Variants in DNAH10 observed in about 807,000 individuals in gnomAD.
The protein encoded by DNAH10 is axonemal beta dynein heavy chain 10.
Under a neutral mutation model 506.6 loss-of-function variants are expected in DNAH10, and 348 were observed. The ratio of observed to expected loss-of-function variants is 0.69; its 90% CI spans 0.63 to 0.75. The LOEUF (loss-of-function observed/expected upper bound fraction) is 0.75, where lower values mean the gene tolerates loss of function less well. Ranked by LOEUF, DNAH10 falls within the 30% of genes least tolerant of loss-of-function variation. DNAH10 has a pLI of 0.00. For missense variants in DNAH10, 5,179 were observed against 5,787.1 expected, an observed-to-expected ratio of 0.89 and a Z score of 3.41; for synonymous variants, 2,059 against 2,198.6, an observed-to-expected ratio of 0.94 and a Z score of 1.78.
At position 123,841,434 on chromosome 12, in the gene DNAH10, G is replaced by C; in HGVS notation, c.5249G>C (p.Arg1750Pro). The part of the protein sequence containing the change: ...GEVMEFRKIL[R>P]AEGRVEDWMT... ...GTCATGGAGTTTCGGAAGATCTTGC[G>C]GGCTGAAGGGCGCGTGGAGGACTGG... Residue 1750 changes from arginine (R) to proline (P), a missense_variant, in exon 30 of 79, where the codon CGG becomes CCG. Arg to Pro is a moderately radical substitution (Grantham distance 103). Around this residue, in one of 3 missense-constraint regions of DNAH10, gnomAD observed 4,844 missense variants for 5,430.5 expected, o/e 0.89. Transcript: ENST00000673944. 6.2e-7 allele frequency: 1 copy of C among 1,613,934 alleles called. No individual in the cohort carries two copies.
At chr12:123,790,475 T>C (rs1252441216) in intron 11 of DNAH10, among the ~76,000 whole-genome samples, 1 of 152,068 alleles carries the variant, frequency 6.6e-6, no homozygotes, top group Admixed American at 6.6e-5. Flanking sequence ...TTTTTGAGAA[T>C]TGCGTTTTGT....
Position 123,909,223 on chromosome 12 carries a change from C to G in DNAH10, c.9816-38C>G. 6.2e-7 allele frequency: 1 copy of G among 1,600,716 alleles called. No individual in the cohort carries two copies. The highest frequency in any genetic ancestry group is 8.5e-7 in the Non-Finnish European group (1 of 1,174,348). ...CTTTCAGGCCAGATCCTGGCCACAT[C>G]CCGGGGTTGTGACCCACGTGCCTTG... On this transcript the variant is annotated intron_variant, in intron 57 of 78. Coordinates refer to ENST00000673944, the MANE Select transcript of DNAH10 (RefSeq NM_001372106.1). This position sits in a 1 kb window ranked among gnomAD's most constrained non-coding sequence, Gnocchi z 5.4.
At chr12:123,868,215 A>G (rs576156050) in intron 43 of DNAH10, 96 bp downstream of exon 43, 938 of 1,110,810 alleles carry the variant, frequency 8.4e-4, no homozygotes, top group Admixed American at 1.9e-3. Flanking sequence ...TGTCTGTATG[A>G]GTTTTCCAGA....
chr12:123,920,068 AC>A (rs1226503114), intron 65 of DNAH10, among the ~76,000 whole-genome samples: 1 of 151,894 alleles, frequency 6.6e-6, no homozygotes, highest in Non-Finnish European at 1.5e-5. Context: ...GTATATTTAA[AC>A]CCCTAAATCA....
Position 123,913,440 on chromosome 12 carries a change from A to G in DNAH10, c.10352+125A>G, listed in dbSNP as rs565197337. 867 of 1,018,984 alleles carry G rather than the reference A, an allele frequency of 8.5e-4. 1 individual carries two copies. The highest frequency in any genetic ancestry group is 1.2e-3 in the Non-Finnish European group (838 of 718,436). The allele number at this position is 1,018,984 out of a possible 1,614,324, so 63.1% of individuals were successfully genotyped here. A position where few individuals can be genotyped will look rare whatever the true frequency, so the allele number is the denominator to read the frequency against. On this transcript the variant is annotated intron_variant, in intron 60 of 78. Transcript: ENST00000673944. This position sits in a 1 kb window ranked among gnomAD's most constrained non-coding sequence, Gnocchi z 5.1. ...TGTGAAAACCATGTGACCAGGTCTTATGTTCCTATTATCATGTTTATGGCA... is the reference window on the plus strand; with the variant it reads ...TGTGAAAACCATGTGACCAGGTCTTGTGTTCCTATTATCATGTTTATGGCA...
chr12:123,859,475 G>A (rs1951532837), intron 38 of DNAH10, among the ~76,000 whole-genome samples: 1 of 152,190 alleles, frequency 6.6e-6, no homozygotes, highest in South Asian at 2.1e-4. Flanking sequence ...CAACCCGCTT[G>A]TGCATCAGAT....
chr12:123,927,003 C>G, intron 69 of DNAH10, 183 bp downstream of exon 69: 1 of 670,960 alleles, frequency 1.5e-6, no homozygotes, highest in Non-Finnish European at 2.5e-6. Flanking sequence ...TTCACAACCT[C>G]ATGTTGTGAT....
chr12:123,793,980 T>G lies in DNAH10; in HGVS notation c.1854T>G (p.Ser618=), dbSNP rs1236905773. The G allele has an allele frequency of 7.8e-7, 1 of 1,275,502 alleles. No individual in the cohort carries two copies. Among genetic ancestry groups the G allele is most frequent in the Non-Finnish European group, 1.0e-6 (1 of 979,930 alleles). The allele number at this position is 1,275,502 out of a possible 1,614,324, so 79.0% of individuals were successfully genotyped here. A position where few individuals can be genotyped will look rare whatever the true frequency, so the allele number is the denominator to read the frequency against. ...EKEAKHFIDE[S]FKTLRSAEAA... ...AAGCAAAACATTTTATTGATGAATC[T>G]TTTAAGACGCTTCGATCTGCTGAAG... Residue 618 remains serine, a synonymous_variant, in exon 12 of 79, where the codon TCT becomes TCG. Coordinates refer to ENST00000673944, the MANE Select transcript of DNAH10 (RefSeq NM_001372106.1).
At chr12:123,844,337 C>T (rs185956454) in intron 30 of DNAH10, among the ~76,000 whole-genome samples, 1 of 152,278 alleles carries the variant, frequency 6.6e-6, no homozygotes, top group African/African-American at 2.4e-5. Context: ...CAGAGCCAAA[C>T]CATATCAGGC....
Position 123,910,571 on chromosome 12 carries a change from A to G in DNAH10, c.10033A>G (p.Met3345Val). The G allele has an allele frequency of 6.2e-7, 1 of 1,613,716 alleles. No individual in the cohort carries two copies. Among genetic ancestry groups the G allele is most frequent in the South Asian group, 1.1e-5 (1 of 91,076 alleles). The change falls in exon 59 of 79, where the codon ATG becomes GTG. Residue 3345 changes from methionine (M) to valine (V), a missense_variant. Met to Val is a conservative substitution (Grantham distance 21). This residue lies in a region of DNAH10 where 4,844 missense variants were observed against 5,430.5 expected (regional missense o/e 0.89). Coordinates refer to ENST00000673944, the MANE Select transcript of DNAH10 (RefSeq NM_001372106.1). ...GACTCTTAATACCACAACTGAAGAA[A>G]TGGAAGCTGTCAGCAAAGCCGGGCT... ...LKTLNTTTEE[M>V]EAVSKAGLGM...
intron 25 of DNAH10, among the ~76,000 whole-genome samples, chr12:123,829,935 G>C (rs1960364161): frequency 6.6e-6 from 1 of 152,198 alleles, no homozygotes. Context: ...TGTGTGCACA[G>C]GAGTCTGCCC....
rs566616983 is a variant in DNAH10 at position 123,874,557 on chromosome 12, GTCCA to G, written c.7939-667_7939-664del. 8.8e-4 allele frequency among the ~76,000 whole-genome samples: 127 copies of G among 143,894 alleles called. 1 individual carries two copies. Among genetic ancestry groups the G allele is most frequent in the African/African-American group, 3.2e-3 (122 of 38,282 alleles). The allele number at this position is 143,894 out of a possible 152,430, so 94.4% of individuals were successfully genotyped here. On this transcript the variant is annotated intron_variant, in intron 46 of 78. Coordinates refer to ENST00000673944, the MANE Select transcript of DNAH10 (RefSeq NM_001372106.1). Reference sequence around the variant, plus strand: ...CATCTACCCATCTGTTCATTCACCTGTCCATCCATCTACCCATCCACCCATCCAT... The same window carrying G: ...CATCTACCCATCTGTTCATTCACCTGTCCATCTACCCATCCACCCATCCAT...
In DNAH10 at chr12:123,835,505, A is replaced by C. The variant is rs1961040637; in HGVS notation, c.4879A>C (p.Asn1627His). Residue 1627 changes from asparagine to histidine, a missense_variant, in exon 28 of 79, where the codon AAC becomes CAC. Asn to His is a moderately conservative substitution (Grantham distance 68). Coordinates refer to ENST00000673944, the MANE Select transcript of DNAH10 (RefSeq NM_001372106.1). ...TCCGGAAGAGGCAAAAAAGTTTGAC[A>C]ACATCGATAAAGTATTTAAAAGGGC... ...QLPEEAKKFD[N>H]IDKVFKRIMG... 6.2e-7 allele frequency: 1 copy of C among 1,608,010 alleles called. No homozygotes were observed. The highest frequency in any genetic ancestry group is 8.5e-7 in the Non-Finnish European group (1 of 1,176,960).
At chr12:123,838,714 C>G in intron 29 of DNAH10, 25 bp downstream of exon 29, 1 of 1,603,008 alleles carries the variant, frequency 6.2e-7, no homozygotes, top group Non-Finnish European at 8.5e-7. Context: ...TGTGCAGGGG[C>G]TCCCCGTGTA....
At chr12:123,830,468 C>T in intron 25 of DNAH10, 78 bp from the exon 26 acceptor site, 5 of 1,403,396 alleles carry the variant, frequency 3.6e-6, no homozygotes, top group East Asian at 2.4e-5. Flanking sequence ...GAGATTTGTC[C>T]TGTGATTTAA....
intron 24 of DNAH10, among the ~76,000 whole-genome samples, chr12:123,822,235 G>A (rs1329007756): frequency 6.6e-6 from 1 of 152,122 alleles, no homozygotes; most frequent in Non-Finnish European, 1.5e-5. Context: ...AGTTGCAAAT[G>A]TCATGTCATT....
Position 123,850,087 on chromosome 12 carries a change from C to T in DNAH10, c.6103-801C>T, listed in dbSNP as rs771982372. Among the ~76,000 whole-genome samples, 103 of 151,948 alleles carry T rather than the reference C, an allele frequency of 6.8e-4. 1 individual carries two copies. The highest frequency in any genetic ancestry group is 2.2e-4 in the Non-Finnish European group (15 of 68,004). Reference sequence around the variant, plus strand: ...CTGAGGCTAGGGATGGTCTCAGGGCCGACCTATGAGTCAAGGCAGTGGCCT... The same window carrying T: ...CTGAGGCTAGGGATGGTCTCAGGGCTGACCTATGAGTCAAGGCAGTGGCCT... On this transcript the variant is annotated intron_variant, in intron 34 of 78. Coordinates refer to ENST00000673944, the MANE Select transcript of DNAH10 (RefSeq NM_001372106.1). This position sits in a 1 kb window ranked among gnomAD's most constrained non-coding sequence, Gnocchi z 5.5.
At position 123,838,449 on chromosome 12, in the gene DNAH10, G is replaced by T. The variant is rs1206712960; in HGVS notation, c.4903-7G>T. ...CTGCTTGACGGCTGTCCTCTGTTCT[G>T]GTCCAGATCATGGGTGAGACCTTAA... On this transcript the variant is annotated splice_polypyrimidine_tract_variant and splice_region_variant and intron_variant, in intron 28 of 78. Coordinates refer to ENST00000673944, the MANE Select transcript of DNAH10 (RefSeq NM_001372106.1). 1.2e-6 allele frequency: 2 copies of T among 1,610,580 alleles called. No individual in the cohort carries two copies. Among genetic ancestry groups the T allele is most frequent in the Non-Finnish European group, 1.7e-6 (2 of 1,178,098 alleles).
intron 17 of DNAH10, 141 bp from the exon 18 acceptor site, chr12:123,804,692 A>G (rs912051523): frequency 8.2e-6 from 6 of 733,648 alleles, no homozygotes; most frequent in African/African-American, 7.0e-5. Flanking sequence ...GTGTTCTGAT[A>G]TTGACTTATG....
Sources: allele counts gnomAD v4.1 joint callset (sites outside exome capture counted in the v4.1 genomes callset), GRCh38; gene constraint gnomAD v4.1.1; regional missense constraint gnomAD v4.1.1; non-coding constraint Gnocchi (gnomAD v3.1); transcripts MANE v1.5; gene names NCBI Gene and HGNC (gene_info 2026-07-23, HGNC 2026-07-21).